The following ADSL variants were observed in gnomAD, a reference collection of about 807,000 sequenced individuals.
ADSL encodes the protein adenylosuccinase.
Under a neutral mutation model 62.1 loss-of-function variants are expected in ADSL, and 44 were observed. The observed-to-expected ratio is 0.71, with a 90% CI of 0.56 to 0.91. The LOEUF (loss-of-function observed/expected upper bound fraction) is 0.91, where lower values mean the gene tolerates loss of function less well. Among genes scored for constraint, ADSL ranks in the 40% least tolerant of loss-of-function variants. The pLI is 0.00. For synonymous variants in ADSL, 198 were observed against 220.5 expected (o/e 0.90, Z 0.90); for missense variants, 531 against 627.4 (o/e 0.85, Z 1.64).
At chr22:40,363,151 G>C in intron 10 of ADSL, 80 bp downstream of exon 10, 1 of 1,350,564 alleles carries the variant, frequency 7.4e-7, no homozygotes, top group Non-Finnish European at 1.1e-6. Context: ...GTGTGTTGAG[G>C]GAGCTGTATT....
intron 4 of ADSL, among the ~76,000 whole-genome samples, chr22:40,357,495 C>T (rs530669266): frequency 1.1e-4 from 17 of 152,126 alleles, no homozygotes; most frequent in African/African-American, 3.1e-4. Context: ...TCAGGTGATC[C>T]GCCCTCCTTG....
chr22:40,357,480 C>T (rs974306342), intron 4 of ADSL, among the ~76,000 whole-genome samples: 7 of 151,540 alleles, frequency 4.6e-5, no homozygotes, highest in Non-Finnish European at 8.8e-5. Flanking sequence ...CTCAAACTCC[C>T]GATCTCAGGT....
chr22:40,368,978 T>G lies in ADSL; in HGVS notation c.*2456T>G, dbSNP rs568937032. 1 of 152,254 alleles carries G rather than the reference T, an allele frequency of 6.6e-6. No individual in the cohort carries two copies. The highest frequency in any genetic ancestry group is 2.4e-5 in the African/African-American group (1 of 41,554). 9.4% of individuals were successfully genotyped at this position (152,254 alleles called of 1,614,324 possible). ...GATACTAAGTCTGACACAAGGAAATTAAGTCATGGGACTCTGACCAGATAT... is the reference window on the plus strand; with the variant it reads ...GATACTAAGTCTGACACAAGGAAATGAAGTCATGGGACTCTGACCAGATAT... On this transcript the variant is annotated 3_prime_UTR_variant, in exon 13 of 13. Coordinates refer to ENST00000623063, the MANE Select transcript of ADSL (RefSeq NM_000026.4).
chr22:40,353,286 TTTC>T (rs746692573), intron 3 of ADSL, 169 bp downstream of exon 3: 10 of 709,882 alleles, frequency 1.4e-5, no homozygotes, highest in African/African-American at 8.7e-5. Context: ...CTTCTTCTCC[TTTC>T]TTCTTCTCTT....
At chr22:40,363,677 G>A (rs531710565) in intron 10 of ADSL, among the ~76,000 whole-genome samples, 41 of 151,290 alleles carry the variant, frequency 2.7e-4, no homozygotes, top group East Asian at 2.3e-3. Flanking sequence ...TGGAAGTTGC[G>A]GTGAGCCGAG....
intron 2 of ADSL, among the ~76,000 whole-genome samples, chr22:40,352,254 A>G (rs964200160): frequency 7.2e-5 from 11 of 151,898 alleles, no homozygotes; most frequent in Non-Finnish European, 1.6e-4. Context: ...GAGGCTGGGC[A>G]CGGTGGCTCA....
At chr22:40,350,134 T>A in intron 2 of ADSL, 99 bp downstream of exon 2, 7 of 249,498 alleles carry the variant, frequency 2.8e-5, no homozygotes, top group East Asian at 1.3e-4. Context: ...ACTATAGATC[T>A]TTTTTTTTTT....
intron 2 of ADSL, among the ~76,000 whole-genome samples, chr22:40,380,598 C>A (rs2047409060): frequency 6.6e-6 from 1 of 152,090 alleles, no homozygotes; most frequent in African/African-American, 2.4e-5. Flanking sequence ...AACTCCTGAC[C>A]TCAAGTGATC....
downstream of ADSL, among the ~76,000 whole-genome samples, chr22:40,371,104 G>T (rs770398881): frequency 6.6e-6 from 1 of 152,180 alleles, no homozygotes; most frequent in Non-Finnish European, 1.5e-5. Context: ...TTTAACTTGC[G>T]GTTTTCCCTT....
chr22:40,385,097 C>G (rs2048213151), intron 2 of ADSL, among the ~76,000 whole-genome samples: 1 of 152,108 alleles, frequency 6.6e-6, no homozygotes, highest in African/African-American at 2.4e-5. Context: ...TTGAACAGTT[C>G]AAGAAACCAA....
Position 40,364,339 on chromosome 22 carries a change from A to G in ADSL, c.1165A>G (p.Met389Val), listed in dbSNP as rs763475264. The change falls in exon 11 of 13, where the codon ATG (methionine) becomes GTG (valine). Residue 389 changes from methionine to valine, a missense_variant. Physicochemically the swap from Met to Val is conservative, Grantham distance 21. Around this residue, in one of 2 missense-constraint regions of ADSL, gnomAD observed 471 missense variants for 592.9 expected, o/e 0.79. Coordinates refer to ENST00000623063, the MANE Select transcript of ADSL (RefSeq NM_000026.4). ...FMATENIIMAMVKAGGSRQDC... is the reference protein window; with the variant it reads ...FMATENIIMAVVKAGGSRQDC... ...GGCCACAGAGAACATCATCATGGCC[A>G]TGGTCAAAGCTGGAGGTAGCCGCCA... The G allele has an allele frequency of 5.0e-6, 8 of 1,613,964 alleles. No individual in the cohort carries two copies. The Admixed American group carries it at 5.0e-5, about 10-fold the overall frequency.
At chr22:40,354,467 A>G (rs533755653) in intron 4 of ADSL, 140 bp downstream of exon 4, 41 of 767,474 alleles carry the variant, frequency 5.3e-5, no homozygotes, top group Non-Finnish European at 9.0e-5. Flanking sequence ...CTTATAAGGA[A>G]TGAGCCTGAT....
chr22:40,386,013 G>A (rs1019862712), intron 2 of ADSL, among the ~76,000 whole-genome samples: 2 of 149,274 alleles, frequency 1.3e-5, no homozygotes. Flanking sequence ...CACCATGCCC[G>A]GCTAATTTTT....
At chr22:40,373,668 T>G (rs1295416778), downstream of ADSL, 1 of 152,260 alleles carries the variant, frequency 6.6e-6, no homozygotes, top group East Asian at 1.9e-4. Flanking sequence ...CAGGCTAGAG[T>G]GCAGTGGGGC....
intron 9 of ADSL, among the ~76,000 whole-genome samples, chr22:40,362,189 C>T (rs566563539): frequency 3.3e-5 from 5 of 152,218 alleles, no homozygotes; most frequent in Middle Eastern, 3.4e-3. Context: ...TGCCAACATG[C>T]GCATCATTTT....
intron 2 of ADSL, among the ~76,000 whole-genome samples, chr22:40,380,435 C>G (rs904313938): frequency 1.3e-5 from 2 of 149,484 alleles, no homozygotes; most frequent in African/African-American, 4.9e-5. Context: ...GGCACTATCT[C>G]AGCTCACTGT....
At chr22:40,358,813 T>G in intron 4 of ADSL, 51 bp from the exon 5 acceptor site, 1 of 1,572,368 alleles carries the variant, frequency 6.4e-7, no homozygotes, top group Non-Finnish European at 8.7e-7. Flanking sequence ...GAAACCTTGA[T>G]GATTTAAGGT....
intron 10 of ADSL, among the ~76,000 whole-genome samples, chr22:40,363,326 G>C (rs1034189584): frequency 6.6e-6 from 1 of 152,212 alleles, no homozygotes; most frequent in African/African-American, 2.4e-5. Context: ...GGTGTGACTA[G>C]GCAGAGTAGA....
intron 2 of ADSL, among the ~76,000 whole-genome samples, chr22:40,385,876 G>A (rs142002073): frequency 5.3e-5 from 8 of 152,154 alleles, no homozygotes; most frequent in Middle Eastern, 3.4e-3. Context: ...TTGAAGACCG[G>A]GTCTCACTCT....
Sources: allele counts gnomAD v4.1 joint callset (sites outside exome capture counted in the v4.1 genomes callset), GRCh38; gene constraint gnomAD v4.1.1; regional missense constraint gnomAD v4.1.1; transcripts MANE v1.5; gene names NCBI Gene and HGNC (gene_info 2026-07-23, HGNC 2026-07-21).